Variants in SMPD4 observed in about 807,000 individuals in gnomAD.
SMPD4 encodes the protein sphingomyelin phosphodiesterase 4.
Under a neutral mutation model 97.8 loss-of-function variants are expected in SMPD4, and 58 were observed. That is an observed-to-expected ratio of 0.59 (90% CI 0.48 to 0.74). The LOEUF (loss-of-function observed/expected upper bound fraction) is 0.74. SMPD4 is among the 30% of genes least tolerant of loss of function. The probability of loss-of-function intolerance (pLI) is 0.00; values close to 1 mark genes in which losing one functional copy is unlikely to be tolerated. For missense variants in SMPD4, 853 were observed against 1,080.5 expected, an observed-to-expected ratio of 0.79 and a Z score of 2.95; for synonymous variants, 388 against 450.0, an observed-to-expected ratio of 0.86 and a Z score of 1.74.
At chr2:130,166,951 A>G (rs1261693353) in intron 9 of SMPD4, among the ~76,000 whole-genome samples, 3 of 152,268 alleles carry the variant, frequency 2.0e-5, no homozygotes, top group Admixed American at 6.5e-5. Flanking sequence ...GGATCCTGGG[A>G]TGAAAAACGC....
At chr2:130,174,149 T>C (rs189725469) in intron 3 of SMPD4, among the ~76,000 whole-genome samples, 1 of 152,142 alleles carries the variant, frequency 6.6e-6, no homozygotes, top group East Asian at 1.9e-4. Flanking sequence ...GCTTCCTGAG[T>C]AAATGGGACT....
At chr2:130,154,622 A>T in intron 15 of SMPD4, 140 bp from the exon 16 acceptor site, 1 of 1,179,906 alleles carries the variant, frequency 8.5e-7, no homozygotes, top group Non-Finnish European at 1.2e-6. Flanking sequence ...GCCTGGCAGC[A>T]TCTCCCACAC....
intron 8 of SMPD4, among the ~76,000 whole-genome samples, chr2:130,170,036 G>C (rs1197280025): frequency 7.2e-6 from 1 of 138,012 alleles, no homozygotes; most frequent in Non-Finnish European, 1.6e-5. Context: ...CCATATCTCC[G>C]CAAAAAAAAA....
At chr2:130,163,166 G>A (rs1485754645) in intron 10 of SMPD4, among the ~76,000 whole-genome samples, 2 of 152,260 alleles carry the variant, frequency 1.3e-5, no homozygotes, top group South Asian at 2.1e-4. Context: ...CCACATGCAC[G>A]AGTGCTGAGT....
In SMPD4 at chr2:130,153,189, G is replaced by A. The variant is rs568772435; in HGVS notation, c.2026-18C>T. The A allele has an allele frequency of 1.2e-6, 2 of 1,613,684 alleles. No individual in the cohort carries two copies. Among genetic ancestry groups the A allele is most frequent in the East Asian group, 4.5e-5 (2 of 44,866 alleles). On this transcript the variant is annotated intron_variant, in intron 18 of 19. Transcript: ENST00000680298. ...TTGATGATCTAGAAAGCCAGGCCAT[G>A]GGGATGGGTCAGAAAACACAGCCCC...
Position 130,154,305 on chromosome 2 carries a change from G to C in SMPD4, c.1631C>G (p.Pro544Arg). 6.2e-7 allele frequency: 1 copy of C among 1,609,390 alleles called. No individual in the cohort carries two copies. The highest frequency in any genetic ancestry group is 1.1e-5 in the South Asian group (1 of 90,772). ...GGTGCGGGCCTCGGGCCCAAACATC[G>C]GGGTGTACTTGCAGTCCTGGCCCTC... is the stretch of plus-strand genomic sequence containing the variant. Reference protein sequence around the residue: ...SLEGQDCKYTPMFGPEARTLV... With the variant: ...SLEGQDCKYTRMFGPEARTLV... Residue 544 changes from proline (P) to arginine (R), a missense_variant, in exon 16 of 20, where the codon CCG becomes CGG. Pro to Arg is a moderately radical substitution (Grantham distance 103). Coordinates refer to ENST00000680298, the MANE Select transcript of SMPD4 (RefSeq NM_017951.5).
chr2:130,179,587 A>G (rs1299033076), intron 1 of SMPD4, among the ~76,000 whole-genome samples: 3 of 151,000 alleles, frequency 2.0e-5, no homozygotes, highest in African/African-American at 4.9e-5. Flanking sequence ...GGGTTTCCCT[A>G]TGCTGGCCAG....
At chr2:130,156,257 A>G (rs2104812475) in intron 13 of SMPD4, 122 bp from the exon 14 acceptor site, 9 of 852,932 alleles carry the variant, frequency 1.1e-5, no homozygotes, top group South Asian at 9.9e-5. Flanking sequence ...CAGAGGGCGC[A>G]GGAGAGACAT....
Position 130,172,669 on chromosome 2 carries a change from C to T in SMPD4, c.463G>A (p.Glu155Lys), listed in dbSNP as rs530945365. The T allele has an allele frequency of 3.1e-6, 5 of 1,614,206 alleles. No individual in the cohort carries two copies. The highest frequency in any genetic ancestry group is 2.7e-5 in the African/African-American group (2 of 75,036). The change falls in exon 7 of 20, where the codon GAG (glutamate) becomes AAG (lysine). Residue 155 changes from glutamate (E) to lysine (K), a missense_variant. Glu to Lys is a moderately conservative substitution (Grantham distance 56). Coordinates refer to ENST00000680298, the MANE Select transcript of SMPD4 (RefSeq NM_017951.5). Reference sequence around the variant, plus strand: ...AAGGCAAAGAAGAATATGTAATACTCGAACGGATCTGAGAGCAGCGTCAGG... The same window carrying T: ...AAGGCAAAGAAGAATATGTAATACTTGAACGGATCTGAGAGCAGCGTCAGG... ...LGLNLALNPF[E>K]YYIFFFALSL...
At chr2:130,157,556 G>A (rs1573673164) in intron 11 of SMPD4, 160 bp from the exon 12 acceptor site, 3 of 1,398,492 alleles carry the variant, frequency 2.1e-6, no homozygotes, top group Non-Finnish European at 2.9e-6. Context: ...GGGCACCACT[G>A]TGCCTGGCAC....
rs201006408 is a variant in SMPD4, at chr2:130,155,863, GA to G, written c.1289+171del. Among the ~76,000 whole-genome samples the G allele has an allele frequency of 2.6e-4, 39 of 152,238 alleles. No individual in the cohort carries two copies. In the East Asian group the frequency reaches 3.5e-3, roughly 14 times the overall value. On this transcript the variant is annotated intron_variant, in intron 14 of 19. Coordinates refer to ENST00000680298, the MANE Select transcript of SMPD4 (RefSeq NM_017951.5). ...TAGGGCCTGGCAAAGTTGAGCCTAG[GA>G]AAAGGCTGGTCTGTGTTCCGCTCGG...
At chr2:130,156,426 G>T in intron 13 of SMPD4, 159 bp downstream of exon 13, 1 of 804,480 alleles carries the variant, frequency 1.2e-6, no homozygotes. Context: ...GGCTGGCTTT[G>T]GAAACTCAAA....
chr2:130,152,547 T>C lies in SMPD4; in HGVS notation c.*8A>G. ...CCCTCCAGCCTGCTCTGAAGGCAGCTGACACCTTCAGGGCTGGTGCAGCTT... is the reference window on the plus strand; with the variant it reads ...CCCTCCAGCCTGCTCTGAAGGCAGCCGACACCTTCAGGGCTGGTGCAGCTT... On this transcript the variant is annotated 3_prime_UTR_variant, in exon 20 of 20. Coordinates refer to ENST00000680298, the MANE Select transcript of SMPD4 (RefSeq NM_017951.5). 6.5e-7 allele frequency: 1 copy of C among 1,541,738 alleles called. No individual in the cohort carries two copies. The highest frequency in any genetic ancestry group is 8.8e-7 in the Non-Finnish European group (1 of 1,140,792).
At chr2:130,155,877 G>C in intron 14 of SMPD4, 158 bp downstream of exon 14, 1 of 675,678 alleles carries the variant, frequency 1.5e-6, no homozygotes, top group South Asian at 1.9e-5. Context: ...AGGCTGGTCT[G>C]TGTTCCGCTC....
rs769008355 is a variant in SMPD4 at position 130,156,044 on chromosome 2, GAC to G, written c.1278_1279del (p.Ser427GlyfsTer53). 6.8e-6 allele frequency: 11 copies of G among 1,611,194 alleles called. No homozygotes were observed. In the South Asian group the frequency reaches 1.2e-4, roughly 18 times the overall value. On this transcript the variant is annotated frameshift_variant, in exon 14 of 20. Coordinates refer to ENST00000680298, the MANE Select transcript of SMPD4 (RefSeq NM_017951.5). LOFTEE classifies it high-confidence loss of function. ...AGGAGCTGAGGCTCACCATTTCTCC[GAC>G]ACACACCGGGGCTGGGAGTCGCTGC...
At chr2:130,176,824 C>A (rs1009276051) in intron 1 of SMPD4, among the ~76,000 whole-genome samples, 187 bp from the exon 2 acceptor site, 2 of 151,956 alleles carry the variant, frequency 1.3e-5, no homozygotes, top group Non-Finnish European at 2.9e-5. Context: ...AGTACAGGCA[C>A]GTGCCACTAT....
chr2:130,176,588 G>A lies in SMPD4; in HGVS notation c.5C>T (p.Ala2Val), dbSNP rs2104918331. 1.9e-6 allele frequency: 3 copies of A among 1,613,364 alleles called. No individual in the cohort carries two copies. Among genetic ancestry groups the A allele is most frequent in the Non-Finnish European group, 1.7e-6 (2 of 1,179,708 alleles). Reference sequence around the variant, plus strand: ...GCTGGGCTGCTGCAGGTGAGGGAACGCCATAGCAGCCTCCAGTGGAGAGTT... The same window carrying A: ...GCTGGGCTGCTGCAGGTGAGGGAACACCATAGCAGCCTCCAGTGGAGAGTT... M[A>V]FPHLQQPSFL... The change falls in exon 2 of 20, where the codon GCG becomes GTG. Residue 2 changes from alanine (A) to valine (V), a missense_variant. By Grantham distance (64) the Ala-to-Val change is moderately conservative (BLOSUM62 0). This residue lies in a region of SMPD4 where 313 missense variants were observed against 402.2 expected (regional missense o/e 0.78). Transcript: ENST00000680298.
intron 11 of SMPD4, chr2:130,158,402 C>T: frequency 2.8e-6 from 1 of 354,634 alleles, no homozygotes; most frequent in South Asian, 2.4e-5. Context: ...ACTGCAACCT[C>T]CGCCTCCAGG....
At chr2:130,167,675 A>C in intron 8 of SMPD4, 85 bp from the exon 9 acceptor site, 3 of 1,444,468 alleles carry the variant, frequency 2.1e-6, no homozygotes, top group South Asian at 1.4e-5. Flanking sequence ...TGGATATCAA[A>C]ATCAACGAGA....
Sources: allele counts gnomAD v4.1 joint callset (sites outside exome capture counted in the v4.1 genomes callset), GRCh38; gene constraint gnomAD v4.1.1; regional missense constraint gnomAD v4.1.1; transcripts MANE v1.5; gene names NCBI Gene and HGNC (gene_info 2026-07-23, HGNC 2026-07-21).